RAB28: variants seen among roughly 807,000 people sequenced by gnomAD.
RAB28 encodes the protein ras-related protein Rab-28.
RAB28 carries 24 observed loss-of-function variants against 31.7 expected under a neutral mutation model. That is an observed-to-expected ratio of 0.76 (90% CI 0.55 to 1.06). RAB28 has a LOEUF of 1.06. Among genes scored for constraint, RAB28 ranks in the 50% least tolerant of loss-of-function variants. The pLI, the probability that RAB28 is intolerant of heterozygous loss-of-function variation, is 0.00. For synonymous variants in RAB28, 100 were observed against 90.4 expected (o/e 1.11, Z -0.60); for missense variants, 254 against 258.5 (o/e 0.98, Z 0.12).
intron 6 of RAB28, among the ~76,000 whole-genome samples, chr4:13,372,655 A>G (rs1560264899): frequency 1.3e-5 from 2 of 152,120 alleles, no homozygotes; most frequent in Non-Finnish European, 2.9e-5. Context: ...GGTCTTTAGG[A>G]TAAGAAAGAA....
At chr4:13,411,022 A>T (rs1016335847) in intron 4 of RAB28, among the ~76,000 whole-genome samples, 10 of 152,284 alleles carry the variant, frequency 6.6e-5, no homozygotes, top group African/African-American at 1.7e-4. Context: ...GCATTAATTT[A>T]AAAAAGATCC....
chr4:13,372,010 T>G lies in RAB28; in HGVS notation c.574-3360A>C, dbSNP rs944788041. The G allele has an allele frequency of 6.6e-6, 5 of 760,460 alleles. No homozygotes were observed. The Admixed American group carries it at 1.2e-4, about 18-fold the overall frequency. The allele number at this position is 760,460 out of a possible 1,614,324, so 47.1% of individuals were successfully genotyped here. A position where few individuals can be genotyped will look rare whatever the true frequency, so the allele number is the denominator to read the frequency against. Reference sequence around the variant, plus strand: ...GCAACCTATGGGTTGGGGCACAAGGTGTAAGGAGTATAGATGGACTCTGTG... The same window carrying G: ...GCAACCTATGGGTTGGGGCACAAGGGGTAAGGAGTATAGATGGACTCTGTG... On this transcript the variant is annotated intron_variant, in intron 6 of 6. Coordinates refer to ENST00000330852, the MANE Select transcript of RAB28 (RefSeq NM_001017979.3).
intron 2 of RAB28, among the ~76,000 whole-genome samples, chr4:13,478,238 T>A (rs1311339340): frequency 6.6e-6 from 1 of 151,642 alleles, no homozygotes; most frequent in East Asian, 1.9e-4. Flanking sequence ...CAGTTTTGGA[T>A]ACAATAAAAG....
At chr4:13,395,131 G>C (rs894481491) in intron 4 of RAB28, among the ~76,000 whole-genome samples, 1 of 152,114 alleles carries the variant, frequency 6.6e-6, no homozygotes, top group Non-Finnish European at 1.5e-5. Flanking sequence ...AACAGTCTAA[G>C]TTTTATTTAG....
intron 3 of RAB28, among the ~76,000 whole-genome samples, chr4:13,465,157 C>T (rs1451736856): frequency 1.3e-5 from 2 of 151,876 alleles, no homozygotes; most frequent in African/African-American, 2.4e-5. Context: ...AACAGTGGGA[C>T]AGTCCCAAGT....
At chr4:13,476,073 T>C (rs1716347959) in intron 2 of RAB28, among the ~76,000 whole-genome samples, 1 of 151,560 alleles carries the variant, frequency 6.6e-6, no homozygotes, top group Non-Finnish European at 1.5e-5. Flanking sequence ...AAAAGGTGTT[T>C]AATCCCATTT....
intron 2 of RAB28, 125 bp from the exon 3 acceptor site, chr4:13,474,531 T>C (rs1209653566): frequency 7.6e-6 from 4 of 526,594 alleles, no homozygotes; most frequent in Non-Finnish European, 1.3e-5. Context: ...TTTGCCTTTA[T>C]GTGCAGGCTC....
chr4:13,431,208 G>A (rs182501734), intron 4 of RAB28, among the ~76,000 whole-genome samples: 14 of 152,278 alleles, frequency 9.2e-5, no homozygotes, highest in African/African-American at 2.9e-4. Context: ...TGCCTCCTCA[G>A]CCCCATTTTA....
Position 13,479,523 on chromosome 4 carries a change from A to T in RAB28, c.79T>A (p.Ser27Thr). 1 of 1,590,932 alleles carries T rather than the reference A, an allele frequency of 6.3e-7. No individual in the cohort carries two copies. Residue 27 changes from serine (S) to threonine (T), a missense_variant, in exon 2 of 7, where the codon TCC (serine) becomes ACC (threonine). By Grantham distance (58) the Ser-to-Thr change is moderately conservative. Coordinates refer to ENST00000330852, the MANE Select transcript of RAB28 (RefSeq NM_001017979.3). ...TCTTGAGCAAAACACGTAGTTAAGG[A>T]GGTCTAAAAAATTGATGCACAGAAT... Reference protein sequence around the residue: ...VLGDGASGKTSLTTCFAQETF... With the variant: ...VLGDGASGKTTLTTCFAQETF...
At chr4:13,436,872 G>A (rs759551889) in intron 4 of RAB28, among the ~76,000 whole-genome samples, 22 of 151,824 alleles carry the variant, frequency 1.4e-4, no homozygotes, top group African/African-American at 1.5e-4. Context: ...TCTAAAATTC[G>A]TATGGAACCA....
intron 4 of RAB28, among the ~76,000 whole-genome samples, chr4:13,435,569 A>G (rs1714051175): frequency 6.6e-6 from 1 of 152,190 alleles, no homozygotes; most frequent in South Asian, 2.1e-4. Flanking sequence ...CAGAACTACA[A>G]AAGATCCCCA....
At chr4:13,370,924 A>C in intron 6 of RAB28, 1 of 967,714 alleles carries the variant, frequency 1.0e-6, no homozygotes, top group Non-Finnish European at 1.2e-6. Flanking sequence ...ATATGTGACA[A>C]ATATGTATGA....
chr4:13,376,774 A>C, intron 5 of RAB28, 152 bp from the exon 6 acceptor site: 1 of 479,694 alleles, frequency 2.1e-6, no homozygotes, highest in East Asian at 3.3e-5. Context: ...TGTCAAATGT[A>C]GCAACATTTT....
At chr4:13,398,706 A>C (rs1321847948) in intron 4 of RAB28, among the ~76,000 whole-genome samples, 1 of 149,390 alleles carries the variant, frequency 6.7e-6, no homozygotes, top group Non-Finnish European at 1.5e-5. Context: ...TGAACCTGGG[A>C]GGTGGAGCTT....
chr4:13,478,158 C>T (rs1716450516), intron 2 of RAB28, among the ~76,000 whole-genome samples: 1 of 151,492 alleles, frequency 6.6e-6, no homozygotes, highest in Non-Finnish European at 1.5e-5. Flanking sequence ...CTAGTGACTG[C>T]TGTTAAGTAT....
intron 4 of RAB28, among the ~76,000 whole-genome samples, chr4:13,385,191 TAGG>T (rs1255937694): frequency 6.6e-6 from 1 of 152,000 alleles, no homozygotes; most frequent in Non-Finnish European, 1.5e-5. Context: ...CTCTGAGAAA[TAGG>T]AGATTACATA....
chr4:13,473,714 T>A (rs895757502), intron 3 of RAB28: 3 of 271,534 alleles, frequency 1.1e-5, no homozygotes, highest in Non-Finnish European at 2.2e-5. Context: ...TGTTGCGAAA[T>A]TTATGTAATT....
chr4:13,405,352 G>A (rs373945524), intron 4 of RAB28, among the ~76,000 whole-genome samples: 1 of 152,034 alleles, frequency 6.6e-6, no homozygotes, highest in Admixed American at 6.6e-5. Flanking sequence ...ATAAACATAC[G>A]AGTTGATACT....
intron 4 of RAB28, among the ~76,000 whole-genome samples, chr4:13,417,479 C>T (rs1445572550): frequency 6.6e-6 from 1 of 152,208 alleles, no homozygotes; most frequent in Non-Finnish European, 1.5e-5. Context: ...CTGGGAGACA[C>T]CTCCCAGTAG....
Sources: allele counts gnomAD v4.1 joint callset (sites outside exome capture counted in the v4.1 genomes callset), GRCh38; gene constraint gnomAD v4.1.1; transcripts MANE v1.5; gene names NCBI Gene and HGNC (gene_info 2026-07-23, HGNC 2026-07-21).